The following NEGR1 variants were observed in gnomAD, a reference collection of about 807,000 sequenced individuals.
NEGR1 encodes neuronal growth regulator 1.
In NEGR1, 10 loss-of-function variants were observed where a neutral mutation model predicts 40.9. The ratio of observed to expected loss-of-function variants is 0.24; its 90% CI spans 0.15 to 0.42. The LOEUF is 0.42. Ranked by LOEUF, NEGR1 falls within the 10% of genes least tolerant of loss-of-function variation. The pLI, the probability that NEGR1 is intolerant of heterozygous loss-of-function variation, is 1.00. For synonymous variants in NEGR1, 185 were observed against 166.8 expected (o/e 1.11, Z -0.84); for missense variants, 352 against 438.9 (o/e 0.80, Z 1.77).
chr1:72,004,455 G>A (rs189273628), intron 1 of NEGR1, among the ~76,000 whole-genome samples: 77 of 152,056 alleles, frequency 5.1e-4, no homozygotes, highest in African/African-American at 1.7e-3. Context: ...GCCACCACTC[G>A]CAGCAAATTT....
chr1:71,980,722 C>A (rs1646347171), intron 1 of NEGR1, among the ~76,000 whole-genome samples: 1 of 152,084 alleles, frequency 6.6e-6, no homozygotes, highest in Non-Finnish European at 1.5e-5. Context: ...GTATTATGAT[C>A]ACATATTATC....
At chr1:71,649,283 A>G (rs1179888724) in intron 4 of NEGR1, among the ~76,000 whole-genome samples, 2 of 152,126 alleles carry the variant, frequency 1.3e-5, no homozygotes, top group Non-Finnish European at 2.9e-5. Flanking sequence ...TCAGAGGGAC[A>G]ATTTGGCAAC....
intron 2 of NEGR1, among the ~76,000 whole-genome samples, chr1:71,902,221 C>T (rs1265867653): frequency 6.6e-6 from 1 of 152,152 alleles, no homozygotes; most frequent in Non-Finnish European, 1.5e-5. Flanking sequence ...CCAGTGTCCA[C>T]TGTCTCTGTT....
chr1:71,571,991 T>G (rs183289624), intron 6 of NEGR1, among the ~76,000 whole-genome samples: 1 of 152,106 alleles, frequency 6.6e-6, no homozygotes, highest in Admixed American at 6.6e-5. Context: ...GACAATTCTT[T>G]GTTCTGTAAA....
At chr1:72,187,170 A>G (rs1410282957) in intron 1 of NEGR1, among the ~76,000 whole-genome samples, 2 of 151,358 alleles carry the variant, frequency 1.3e-5, no homozygotes, top group African/African-American at 4.8e-5. Context: ...TTCTTTATTT[A>G]GGGTTTATCT....
intron 6 of NEGR1, among the ~76,000 whole-genome samples, chr1:71,416,434 A>G (rs1646356150): frequency 6.6e-6 from 1 of 152,058 alleles, no homozygotes; most frequent in Middle Eastern, 3.4e-3. Context: ...GATCATTTCC[A>G]TTTTTTTGAA....
At chr1:71,977,498 G>A (rs1026532558) in intron 1 of NEGR1, among the ~76,000 whole-genome samples, 4 of 151,940 alleles carry the variant, frequency 2.6e-5, no homozygotes, top group African/African-American at 7.2e-5. Flanking sequence ...AATGGTCAAC[G>A]AGTGTATCTC....
intron 1 of NEGR1, among the ~76,000 whole-genome samples, chr1:72,026,399 T>C (rs1646810367): frequency 6.6e-6 from 1 of 151,556 alleles, no homozygotes; most frequent in South Asian, 2.1e-4. Context: ...CCAAAGGAGT[T>C]GGAGTCTCCC....
intron 1 of NEGR1, among the ~76,000 whole-genome samples, chr1:72,083,856 G>T (rs1249261462): frequency 1.3e-5 from 2 of 150,564 alleles, no homozygotes; most frequent in African/African-American, 2.5e-5. Flanking sequence ...GCCCCAGAGT[G>T]GTATATCTGT....
intron 2 of NEGR1, among the ~76,000 whole-genome samples, chr1:71,825,036 A>G (rs1570398401): frequency 6.6e-6 from 1 of 151,908 alleles, no homozygotes; most frequent in Non-Finnish European, 1.5e-5. Context: ...TTTCTAGGTC[A>G]TAACACAGCT....
intron 2 of NEGR1, among the ~76,000 whole-genome samples, chr1:71,777,345 C>G (rs1656548585): frequency 6.6e-6 from 1 of 152,042 alleles, no homozygotes; most frequent in Admixed American, 6.6e-5. Context: ...AGAAAAGTGC[C>G]TGACATTAGT....
intron 1 of NEGR1, among the ~76,000 whole-genome samples, chr1:72,135,952 T>C (rs1650447140): frequency 6.6e-6 from 1 of 152,202 alleles, no homozygotes; most frequent in Non-Finnish European, 1.5e-5. Flanking sequence ...TGCCCAAGAT[T>C]GAACATTGCT....
intron 3 of NEGR1, among the ~76,000 whole-genome samples, chr1:71,746,307 A>G (rs2101681942): frequency 6.6e-6 from 1 of 152,286 alleles, no homozygotes; most frequent in Middle Eastern, 3.4e-3. Context: ...AAAATAATTA[A>G]ATCTGTTGTT....
In NEGR1 at chr1:71,396,021, A is replaced by G. The variant is rs1646209242; in HGVS notation, c.*11425T>C. The G allele has an allele frequency of 6.6e-6, 1 of 152,218 alleles. No individual in the cohort carries two copies. The highest frequency in any genetic ancestry group is 6.6e-5 in the Admixed American group (1 of 15,266). 9.4% of individuals were successfully genotyped at this position (152,218 alleles called of 1,614,324 possible). A position where few individuals can be genotyped will look rare whatever the true frequency, so the allele number is the denominator to read the frequency against. ...AATGTGGAAACTGAAGCCCCATTCC[A>G]GAGAAGACATTGCTTTTTATGATAG... On this transcript the variant is annotated 3_prime_UTR_variant, in exon 7 of 7. Coordinates refer to ENST00000357731, the MANE Select transcript of NEGR1 (RefSeq NM_173808.3).
intron 2 of NEGR1, among the ~76,000 whole-genome samples, chr1:71,851,743 T>C (rs1438008803): frequency 1.3e-5 from 2 of 152,154 alleles, no homozygotes; most frequent in Non-Finnish European, 2.9e-5. Context: ...GTAAATTCTA[T>C]TTACTTCTTT....
chr1:71,920,449 A>G (rs1645705654), intron 2 of NEGR1, among the ~76,000 whole-genome samples: 1 of 152,082 alleles, frequency 6.6e-6, no homozygotes, highest in Non-Finnish European at 1.5e-5. Flanking sequence ...CCTATCCACT[A>G]CTTCACCCCA....
At chr1:71,419,470 A>G (rs1329842168) in intron 6 of NEGR1, among the ~76,000 whole-genome samples, 2 of 152,126 alleles carry the variant, frequency 1.3e-5, no homozygotes, top group Non-Finnish European at 2.9e-5. Flanking sequence ...TGAGTTTTGC[A>G]TTAATTATAC....
At chr1:71,766,528 C>A (rs1159938422) in intron 3 of NEGR1, among the ~76,000 whole-genome samples, 1 of 152,164 alleles carries the variant, frequency 6.6e-6, no homozygotes, top group Non-Finnish European at 1.5e-5. Context: ...TTAATAAAAA[C>A]CACCAGGCTA....
At chr1:71,504,229 A>C (rs749866234) in intron 6 of NEGR1, among the ~76,000 whole-genome samples, 3 of 152,040 alleles carry the variant, frequency 2.0e-5, no homozygotes, top group Non-Finnish European at 4.4e-5. Context: ...AAAAATTACA[A>C]AAAAAGATTG....
Sources: allele counts gnomAD v4.1 joint callset (sites outside exome capture counted in the v4.1 genomes callset), GRCh38; gene constraint gnomAD v4.1.1; transcripts MANE v1.5; gene names NCBI Gene and HGNC (gene_info 2026-07-23, HGNC 2026-07-21).